SMOC2: variants seen among roughly 807,000 people sequenced by gnomAD.
SMOC2 encodes SPARC-related modular calcium-binding protein 2.
A neutral mutation model predicts 61.4 loss-of-function variants in SMOC2; 39 were observed. That is an observed-to-expected ratio of 0.64 (90% CI 0.49 to 0.83). The LOEUF is 0.83. Ranked by LOEUF, SMOC2 falls within the 40% of genes least tolerant of loss-of-function variation. The pLI is 0.00. For synonymous variants in SMOC2, 247 were observed against 239.9 expected (o/e 1.03, Z -0.27); for missense variants, 556 against 592.9 (o/e 0.94, Z 0.65).
chr6:168,488,049 A>G (rs1000941625), intron 1 of SMOC2, among the ~76,000 whole-genome samples: 1 of 152,218 alleles, frequency 6.6e-6, no homozygotes, highest in African/African-American at 2.4e-5. Flanking sequence ...AAGGCAATAC[A>G]TCTGCAGTCG....
chr6:168,615,087 G>GGA (rs1786030644), intron 9 of SMOC2, among the ~76,000 whole-genome samples: 1 of 98,454 alleles, frequency 1.0e-5, no homozygotes, highest in Non-Finnish European at 2.1e-5. Flanking sequence ...CCGGCACAGG[G>GGA]CCTCTTCACA....
At position 168,623,808 on chromosome 6, in the gene SMOC2, C is replaced by G. The variant is rs77216569; in HGVS notation, c.907+15569C>G. Among the ~76,000 whole-genome samples the G allele has an allele frequency of 1.5e-3, 232 of 152,248 alleles. 7 individuals carry two copies. In the East Asian group the frequency reaches 0.043, roughly 29 times the overall value. ...CCCCCCAAAAAAATCACTTCGACAGCCTCCGGGACAGTGATTCAGAGATGC... is the reference window on the plus strand; with the variant it reads ...CCCCCCAAAAAAATCACTTCGACAGGCTCCGGGACAGTGATTCAGAGATGC... On this transcript the variant is annotated intron_variant, in intron 9 of 12. Coordinates refer to ENST00000356284, the MANE Select transcript of SMOC2 (RefSeq NM_001166412.2).
intron 9 of SMOC2, among the ~76,000 whole-genome samples, chr6:168,619,625 T>G (rs182561403): frequency 2.1e-4 from 32 of 152,330 alleles, no homozygotes; most frequent in African/African-American, 7.5e-4. Flanking sequence ...CTGAATTGAT[T>G]GAGGCTCTAC....
intron 9 of SMOC2, among the ~76,000 whole-genome samples, chr6:168,610,993 T>C (rs1785845776): frequency 6.6e-6 from 1 of 152,218 alleles, no homozygotes; most frequent in Non-Finnish European, 1.5e-5. Flanking sequence ...CACACCTTCT[T>C]CTTGGACAGG....
At chr6:168,524,727 G>T (rs1311752292) in intron 2 of SMOC2, among the ~76,000 whole-genome samples, 3 of 152,260 alleles carry the variant, frequency 2.0e-5, no homozygotes, top group Admixed American at 2.0e-4. Context: ...ACCACATGTT[G>T]CTGAGTGCTG....
At chr6:168,506,533 C>G (rs1354772529) in intron 1 of SMOC2, among the ~76,000 whole-genome samples, 1 of 152,106 alleles carries the variant, frequency 6.6e-6, no homozygotes, top group Non-Finnish European at 1.5e-5. Flanking sequence ...TCTTCTGGCC[C>G]AAACCCAGTA....
At chr6:168,487,118 G>A (rs74931645) in intron 1 of SMOC2, among the ~76,000 whole-genome samples, 5,101 of 152,260 alleles carry the variant, frequency 0.034, 117 homozygotes, top group Non-Finnish European at 0.052. Flanking sequence ...GCACTCAAAC[G>A]TCCCCCTGCT....
At chr6:168,538,841 T>A (rs1278861697) in intron 4 of SMOC2, among the ~76,000 whole-genome samples, 1 of 151,236 alleles carries the variant, frequency 6.6e-6, no homozygotes, top group Non-Finnish European at 1.5e-5. Flanking sequence ...GGGAGTGGGG[T>A]GACCCCTGCA....
chr6:168,645,772 C>T (rs1012353975), intron 9 of SMOC2, among the ~76,000 whole-genome samples: 8 of 152,142 alleles, frequency 5.3e-5, no homozygotes, highest in South Asian at 2.1e-4. Flanking sequence ...CAATGGGAGA[C>T]GAGGACAGTC....
At chr6:168,573,459 G>A (rs1583122851) in intron 7 of SMOC2, among the ~76,000 whole-genome samples, 2 of 152,158 alleles carry the variant, frequency 1.3e-5, no homozygotes, top group African/African-American at 4.8e-5. Flanking sequence ...CGTGCTCCCT[G>A]GGGACTTGGC....
At chr6:168,652,335 C>G (rs1787216567) in intron 10 of SMOC2, among the ~76,000 whole-genome samples, 1 of 152,132 alleles carries the variant, frequency 6.6e-6, no homozygotes, top group Non-Finnish European at 1.5e-5. Flanking sequence ...TCCCAACAGG[C>G]AGAATCCAGG....
At chr6:168,451,717 G>A (rs887449255) in intron 1 of SMOC2, among the ~76,000 whole-genome samples, 3 of 152,112 alleles carry the variant, frequency 2.0e-5, no homozygotes, top group East Asian at 1.9e-4. Flanking sequence ...GAACATACAC[G>A]TCCGTTAAGT....
chr6:168,503,717 ATT>A (rs1179795809), intron 1 of SMOC2, among the ~76,000 whole-genome samples: 2 of 152,106 alleles, frequency 1.3e-5, no homozygotes, highest in Non-Finnish European at 2.9e-5. Flanking sequence ...GGCACCACCC[ATT>A]TGTGCTAGGA....
chr6:168,584,034 C>T (rs1162624045), intron 7 of SMOC2, among the ~76,000 whole-genome samples: 1 of 152,208 alleles, frequency 6.6e-6, no homozygotes, highest in Admixed American at 6.5e-5. Context: ...AACTCTAGTC[C>T]CTACACGTCA....
chr6:168,497,693 G>C (rs1214427659), intron 1 of SMOC2, among the ~76,000 whole-genome samples: 2 of 152,222 alleles, frequency 1.3e-5, no homozygotes, highest in East Asian at 3.9e-4. Context: ...ACCTGGCTCA[G>C]ATGAAGTGAG....
At chr6:168,629,905 C>A (rs981041997) in intron 9 of SMOC2, among the ~76,000 whole-genome samples, 1 of 152,174 alleles carries the variant, frequency 6.6e-6, no homozygotes, top group Admixed American at 6.5e-5. Flanking sequence ...TACTTACATT[C>A]CCTTTCAAAG....
chr6:168,616,117 C>G (rs573081012), intron 9 of SMOC2, among the ~76,000 whole-genome samples: 1 of 152,142 alleles, frequency 6.6e-6, no homozygotes, highest in Non-Finnish European at 1.5e-5. Flanking sequence ...AAAGGTGACA[C>G]GAGGTGTCAA....
chr6:168,638,050 C>A (rs1786789871), intron 9 of SMOC2, among the ~76,000 whole-genome samples: 1 of 149,068 alleles, frequency 6.7e-6, no homozygotes, highest in Admixed American at 6.7e-5. Flanking sequence ...CCTGGCCAGT[C>A]CCTGCCCTGC....
At chr6:168,490,087 T>A (rs1301442956) in intron 1 of SMOC2, among the ~76,000 whole-genome samples, 1 of 151,468 alleles carries the variant, frequency 6.6e-6, no homozygotes, top group Non-Finnish European at 1.5e-5. Flanking sequence ...ATGAAATATA[T>A]CAAATCGTCT....
Sources: allele counts gnomAD v4.1 joint callset (sites outside exome capture counted in the v4.1 genomes callset), GRCh38; gene constraint gnomAD v4.1.1; transcripts MANE v1.5; gene names NCBI Gene and HGNC (gene_info 2026-07-23, HGNC 2026-07-21).